NOTCH2NLR: variants seen among roughly 807,000 people sequenced by gnomAD.
NOTCH2NLR encodes the protein notch 2 N-terminal like R.
In NOTCH2NLR, 33 loss-of-function variants were observed where a neutral mutation model predicts 35.6. That is an observed-to-expected ratio of 0.93 (90% confidence interval 0.70 to 1.24). NOTCH2NLR has a LOEUF of 1.24. Among genes scored for constraint, NOTCH2NLR ranks in the 50% most tolerant of loss-of-function variants. The probability of loss-of-function intolerance (pLI) is 0.00; values close to 1 mark genes in which losing one functional copy is unlikely to be tolerated. For synonymous variants in NOTCH2NLR, 103 were observed against 141.0 expected (o/e 0.73, Z 1.91); for missense variants, 276 against 362.2 (o/e 0.76, Z 1.93).
At chr1:120,778,105 G>A (rs1410264930) in intron 2 of NOTCH2NLR, among the ~76,000 whole-genome samples, 1 of 85,300 alleles carries the variant, frequency 1.2e-5, no homozygotes, top group Non-Finnish European at 2.1e-5. Flanking sequence ...GAGTAGGGGG[G>A]CAGGAAACTA....
intron 1 of NOTCH2NLR, among the ~76,000 whole-genome samples, chr1:120,733,230 T>C (rs1650883212): frequency 1.0e-5 from 1 of 98,358 alleles, no homozygotes; most frequent in Non-Finnish European, 1.8e-5. Context: ...TCTTTACCAT[T>C]TGATAAGTGG....
intron 1 of NOTCH2NLR, among the ~76,000 whole-genome samples, chr1:120,760,369 TTCA>T (rs1651123183): frequency 8.3e-6 from 1 of 120,540 alleles, no homozygotes; most frequent in Admixed American, 8.2e-5. Context: ...GAGATGGGGT[TTCA>T]TCATCTTGGC....
chr1:120,727,812 C>G (rs1477359652), intron 1 of NOTCH2NLR, among the ~76,000 whole-genome samples: 1 of 117,678 alleles, frequency 8.5e-6, no homozygotes, highest in African/African-American at 4.9e-5. Context: ...TGTTTCCCCC[C>G]CTTTCTCTGC....
At chr1:120,728,635 C>T (rs1361252831) in intron 1 of NOTCH2NLR, among the ~76,000 whole-genome samples, 1 of 117,152 alleles carries the variant, frequency 8.5e-6, no homozygotes, top group South Asian at 2.4e-4. Flanking sequence ...AATAGCCACA[C>T]CTTACTGTAA....
chr1:120,790,717 A>C lies in NOTCH2NLR; in HGVS notation c.416-2444A>C, dbSNP rs1335529684. Among the ~76,000 whole-genome samples, 4 of 110,980 alleles carry C rather than the reference A, an allele frequency of 3.6e-5. 1 individual carries two copies. Among genetic ancestry groups the C allele is most frequent in the African/African-American group, 2.2e-4 (4 of 17,862 alleles). The allele number at this position is 110,980 out of a possible 152,430, so 72.8% of individuals were successfully genotyped here. The stretch of plus-strand genomic sequence containing the variant: ...TGGGTTCGAGTGATTCTTGTGCCTC[A>C]GCCTCCCAGGTAGCTGGGATTACAG... On this transcript the variant is annotated intron_variant, in intron 3 of 4. Transcript: ENST00000624419.
At chr1:120,750,699 G>A (rs1483900300) in intron 1 of NOTCH2NLR, among the ~76,000 whole-genome samples, 2 of 111,170 alleles carry the variant, frequency 1.8e-5, no homozygotes, top group Non-Finnish European at 3.4e-5. Context: ...GCTGCTTTTG[G>A]GGTATTTTCC....
chr1:120,781,930 G>A (rs1651367134), intron 2 of NOTCH2NLR, among the ~76,000 whole-genome samples: 1 of 108,770 alleles, frequency 9.2e-6, no homozygotes, highest in South Asian at 2.7e-4. Flanking sequence ...TATAGCACTG[G>A]AGCGAGTAAT....
At chr1:120,778,610 T>TTTA (rs1349087640) in intron 2 of NOTCH2NLR, among the ~76,000 whole-genome samples, 3 of 37,922 alleles carry the variant, frequency 7.9e-5, no homozygotes, top group African/African-American at 2.8e-4. Flanking sequence ...ATCCTCGTTT[T>TTTA]AAAAAAAAAA....
rs1376382876 is a variant in NOTCH2NLR, at chr1:120,768,608, A to G, written c.155+4899A>G. On this transcript the variant is annotated intron_variant, in intron 2 of 4. Coordinates refer to ENST00000624419, the Ensembl canonical transcript of NOTCH2NLR. ...ATGAACTGGGGTGTACCTTCACGATAAAAAAAAAAAACAAAACTGTAAATG... is the reference window on the plus strand; with the variant it reads ...ATGAACTGGGGTGTACCTTCACGATGAAAAAAAAAAACAAAACTGTAAATG... Among the ~76,000 whole-genome samples, 2 of 105,566 alleles carry G rather than the reference A, an allele frequency of 1.9e-5. 1 individual carries two copies. The highest frequency in any genetic ancestry group is 1.2e-4 in the African/African-American group (2 of 16,970). 69.3% of individuals were successfully genotyped at this position (105,566 alleles called of 152,430 possible).
In NOTCH2NLR at chr1:120,724,271, C is replaced by T. The variant is rs2101332043; in HGVS notation, c.73+21C>T. ...GCATGGTGAGTATCGGGCTGAGGGG[C>T]GCTGTCCGCGGCGCCCGGGGCTGCC... On this transcript the variant is annotated intron_variant, in intron 1 of 4. Transcript: ENST00000624419. The T allele has an allele frequency of 4.3e-6, 6 of 1,383,970 alleles. 1 individual carries two copies. The highest frequency in any genetic ancestry group is 1.3e-5 in the South Asian group (1 of 77,558). The allele number at this position is 1,383,970 out of a possible 1,614,324, so 85.7% of individuals were successfully genotyped here.
rs1316272872 is a variant in NOTCH2NLR at position 120,729,038 on chromosome 1, T to C, written c.73+4788T>C. ...TCAGAGTCAACTGAGTGGCAGGTCT[T>C]AGTCACAGCATCTATGACTCCTGCT... On this transcript the variant is annotated intron_variant, in intron 1 of 4. Coordinates refer to ENST00000624419, the Ensembl canonical transcript of NOTCH2NLR. 1.0e-4 allele frequency among the ~76,000 whole-genome samples: 12 copies of C among 116,250 alleles called. 2 individuals carry two copies. The highest frequency in any genetic ancestry group is 2.0e-4 in the Non-Finnish European group (12 of 60,890). The allele number at this position is 116,250 out of a possible 152,430, so 76.3% of individuals were successfully genotyped here.
chr1:120,743,718 A>G (rs1650955203), intron 1 of NOTCH2NLR, among the ~76,000 whole-genome samples: 1 of 111,796 alleles, frequency 8.9e-6, no homozygotes, highest in Non-Finnish European at 1.8e-5. Context: ...TCATTTTTTG[A>G]GAACTAATGT....
Position 120,770,449 on chromosome 1 carries a change from G to A in NOTCH2NLR, c.155+6740G>A, listed in dbSNP as rs1480514571. Among the ~76,000 whole-genome samples the A allele has an allele frequency of 1.4e-4, 16 of 112,838 alleles. 1 individual carries two copies. Among genetic ancestry groups the A allele is most frequent in the South Asian group, 7.7e-4 (3 of 3,916 alleles). 74.0% of individuals were successfully genotyped at this position (112,838 alleles called of 152,430 possible). A position where few individuals can be genotyped will look rare whatever the true frequency, so the allele number is the denominator to read the frequency against. ...CTCCCAAAGTGCTGGGATTACAGGC[G>A]TGAGCCACCACACCCAGCCGAGGAC... On this transcript the variant is annotated intron_variant, in intron 2 of 4. Transcript: ENST00000624419.
chr1:120,794,155 CACAATACTTTGTT>C (rs1272842898), downstream of NOTCH2NLR, among the ~76,000 whole-genome samples: 1 of 114,708 alleles, frequency 8.7e-6, no homozygotes, highest in Non-Finnish European at 1.7e-5. Context: ...CTATGTGTGG[CACAATACTTTGTT>C]ACACTCTTCA....
In NOTCH2NLR at chr1:120,733,113, T is replaced by TTA. The variant is rs1257251313; in HGVS notation, c.73+8881_73+8882dup. On this transcript the variant is annotated intron_variant, in intron 1 of 4. Coordinates refer to ENST00000624419, the Ensembl canonical transcript of NOTCH2NLR. ...ATTTAGAAAAGCTGTTGATTTATTT[T>TTA]TATATATATATATATATATGTTTAG... Among the ~76,000 whole-genome samples, 665 of 84,986 alleles carry TTA rather than the reference T, an allele frequency of 7.8e-3. 104 individuals are homozygous for TTA. Among genetic ancestry groups the TTA allele is most frequent in the East Asian group, 0.028 (106 of 3,760 alleles). 55.8% of individuals were successfully genotyped at this position (84,986 alleles called of 152,430 possible).
chr1:120,728,524 A>G lies in NOTCH2NLR; in HGVS notation c.73+4274A>G, dbSNP rs1241376281. Among the ~76,000 whole-genome samples, 64 of 116,934 alleles carry G rather than the reference A, an allele frequency of 5.5e-4. 15 individuals are homozygous for G. The highest frequency in any genetic ancestry group is 6.6e-4 in the Admixed American group (8 of 12,204). 76.7% of individuals were successfully genotyped at this position (116,934 alleles called of 152,430 possible). A position where few individuals can be genotyped will look rare whatever the true frequency, so the allele number is the denominator to read the frequency against. On this transcript the variant is annotated intron_variant, in intron 1 of 4. Transcript: ENST00000624419. ...CACTTTGACTTTGGAATCTCACTTC[A>G]AAGGCACTGCCATCCACCCCCTGCC...
chr1:120,759,807 C>A (rs1251261836), intron 1 of NOTCH2NLR, among the ~76,000 whole-genome samples: 1 of 116,054 alleles, frequency 8.6e-6, no homozygotes, highest in African/African-American at 5.2e-5. Flanking sequence ...GTGTATCCTT[C>A]ATCTCAAATA....
Position 120,789,545 on chromosome 1 carries a change from A to C in NOTCH2NLR, c.416-3616A>C, listed in dbSNP as rs1419579583. Among the ~76,000 whole-genome samples the C allele has an allele frequency of 1.4e-4, 15 of 106,904 alleles. 1 individual carries two copies. The highest frequency in any genetic ancestry group is 4.0e-3 in the Middle Eastern group (1 of 250). 70.1% of individuals were successfully genotyped at this position (106,904 alleles called of 152,430 possible). A position where few individuals can be genotyped will look rare whatever the true frequency, so the allele number is the denominator to read the frequency against. ...TCAGATCTCATGAGACTTATTCACT[A>C]TCATGAGAATAGCACAGGAAAGACT... is the stretch of plus-strand genomic sequence containing the variant. On this transcript the variant is annotated intron_variant, in intron 3 of 4. Transcript: ENST00000624419.
In NOTCH2NLR at chr1:120,790,412, C is replaced by A. The variant is rs1651474051; in HGVS notation, c.416-2749C>A. 2.6e-5 allele frequency among the ~76,000 whole-genome samples: 3 copies of A among 115,586 alleles called. 1 individual carries two copies. In the South Asian group the frequency reaches 7.5e-4, roughly 29 times the overall value. 75.8% of individuals were successfully genotyped at this position (115,586 alleles called of 152,430 possible). On this transcript the variant is annotated intron_variant, in intron 3 of 4. Transcript: ENST00000624419. Reference sequence around the variant, plus strand: ...TTTTGGTTTTTGTGATAGCACTATACCTCAGTCAGCTTACTAGCTCATCTC... The same window carrying A: ...TTTTGGTTTTTGTGATAGCACTATAACTCAGTCAGCTTACTAGCTCATCTC...
Sources: gnomAD v4.1 joint callset for allele counts (sites outside exome capture counted in the v4.1 genomes callset) on GRCh38, gnomAD v4.1.1 for gene constraint, MANE v1.5 for transcripts, NCBI Gene and HGNC (gene_info 2026-07-23, HGNC 2026-07-21) for gene names.